Variants in LTBP1 observed in about 807,000 individuals in gnomAD.
The protein encoded by LTBP1 is latent transforming growth factor beta binding protein 1.
LTBP1 carries 129 observed loss-of-function variants against 207.6 expected under a neutral mutation model. That is an observed-to-expected ratio of 0.62 (90% CI 0.54 to 0.72). The LOEUF is 0.72. Among genes scored for constraint, LTBP1 ranks in the 30% least tolerant of loss-of-function variants. The pLI, the probability that LTBP1 is intolerant of heterozygous loss-of-function variation, is 0.00. For synonymous variants in LTBP1, 963 were observed against 833.7 expected (o/e 1.16, Z -2.67); for missense variants, 2,281 against 2,217.2 (o/e 1.03, Z -0.58).
At position 33,361,534 on chromosome 2, in the gene LTBP1, C is replaced by A; in HGVS notation, c.4270+19C>A. ...TATAAAGGTCAGAATCAAGTGGAAACAAATTTTCAGCACATTGTGTACATG... is the reference window on the plus strand; with the variant it reads ...TATAAAGGTCAGAATCAAGTGGAAAAAAATTTTCAGCACATTGTGTACATG... On this transcript the variant is annotated intron_variant, in intron 28 of 33. Coordinates refer to ENST00000404816, the MANE Select transcript of LTBP1 (RefSeq NM_206943.4). 6.4e-7 allele frequency: 1 copy of A among 1,570,012 alleles called. No individual in the cohort carries two copies.
chr2:33,343,405 T>G (rs1397960797), intron 25 of LTBP1, among the ~76,000 whole-genome samples: 1 of 124,120 alleles, frequency 8.1e-6, no homozygotes, highest in Admixed American at 7.6e-5. Context: ...AGAAAGACCC[T>G]GTCTCAAAAA....
intron 24 of LTBP1, among the ~76,000 whole-genome samples, chr2:33,324,792 C>G (rs1195843808): frequency 6.7e-6 from 1 of 148,730 alleles, no homozygotes; most frequent in Non-Finnish European, 1.5e-5. Context: ...ACCTCCGCTT[C>G]CTGGGTTCAA....
At chr2:33,152,375 C>T (rs901007427) in intron 5 of LTBP1, among the ~76,000 whole-genome samples, 2 of 152,176 alleles carry the variant, frequency 1.3e-5, no homozygotes, top group African/African-American at 2.4e-5. Flanking sequence ...GATACCACCT[C>T]ACGCCTGCAA....
At chr2:33,186,777 T>A (rs1048904163) in intron 5 of LTBP1, 79 bp from the exon 6 acceptor site, 1 of 1,065,814 alleles carries the variant, frequency 9.4e-7, no homozygotes, top group African/African-American at 1.5e-5. Flanking sequence ...GCTGTATGTT[T>A]TGCAGGTTTT....
At chr2:32,996,573 A>G (rs1485365767) in intron 2 of LTBP1, among the ~76,000 whole-genome samples, 1 of 152,182 alleles carries the variant, frequency 6.6e-6, no homozygotes, top group Non-Finnish European at 1.5e-5. Flanking sequence ...GGAGACATCT[A>G]CTATGTACAA....
intron 5 of LTBP1, among the ~76,000 whole-genome samples, chr2:33,173,068 G>C (rs1415876227): frequency 1.3e-5 from 2 of 152,106 alleles, no homozygotes; most frequent in Non-Finnish European, 2.9e-5. Flanking sequence ...ATCCAAAATT[G>C]ACACCCTAAT....
chr2:33,213,706 A>G (rs1156591222), intron 7 of LTBP1, among the ~76,000 whole-genome samples: 2 of 152,214 alleles, frequency 1.3e-5, no homozygotes, highest in Non-Finnish European at 2.9e-5. Context: ...AAGCCTCTTC[A>G]TAGTTAAATA....
chr2:33,287,461 G>A (rs1230813145), intron 19 of LTBP1, among the ~76,000 whole-genome samples: 2 of 152,188 alleles, frequency 1.3e-5, no homozygotes, highest in Non-Finnish European at 2.9e-5. Context: ...AAAGAGCATA[G>A]AAAGGAGAAA....
At chr2:33,041,782 CCTCT>C (rs1415844047) in intron 3 of LTBP1, among the ~76,000 whole-genome samples, 1 of 152,062 alleles carries the variant, frequency 6.6e-6, no homozygotes, top group Non-Finnish European at 1.5e-5. Flanking sequence ...TCAGTCTCTC[CCTCT>C]GTCTCTCTCT....
intron 26 of LTBP1, among the ~76,000 whole-genome samples, chr2:33,354,685 CA>C: frequency 1.7e-4 from 1 of 6,008 alleles, no homozygotes; most frequent in Non-Finnish European, 5.7e-4. Context: ...TAAAACTATA[CA>C]CACACACACA....
chr2:33,138,438 T>C (rs2082317700), intron 5 of LTBP1, among the ~76,000 whole-genome samples: 1 of 151,328 alleles, frequency 6.6e-6, no homozygotes, highest in Admixed American at 6.6e-5. Context: ...AGGTTTCTAA[T>C]GATAATGACT....
chr2:32,997,774 A>G (rs1450548377), intron 2 of LTBP1, among the ~76,000 whole-genome samples: 2 of 152,184 alleles, frequency 1.3e-5, no homozygotes, highest in Non-Finnish European at 2.9e-5. Flanking sequence ...TTTTACTTGA[A>G]TGAATTGTGG....
chr2:33,329,362 A>G (rs950316482), intron 24 of LTBP1, among the ~76,000 whole-genome samples: 1 of 152,180 alleles, frequency 6.6e-6, no homozygotes, highest in Non-Finnish European at 1.5e-5. Flanking sequence ...CAAAACAACT[A>G]TTTTAATGGC....
intron 4 of LTBP1, among the ~76,000 whole-genome samples, chr2:33,123,895 T>G (rs1170531781): frequency 6.6e-6 from 1 of 152,176 alleles, no homozygotes; most frequent in Non-Finnish European, 1.5e-5. Context: ...AACCAAAAAT[T>G]GAATTTAAAA....
intron 5 of LTBP1, among the ~76,000 whole-genome samples, chr2:33,167,994 C>A (rs2085075973): frequency 6.6e-6 from 1 of 152,132 alleles, no homozygotes; most frequent in Admixed American, 6.6e-5. Flanking sequence ...ATTTGAGGAC[C>A]TTTTTGCTAC....
chr2:33,013,084 GACAC>G (rs1687895396), intron 2 of LTBP1, among the ~76,000 whole-genome samples: 1 of 152,064 alleles, frequency 6.6e-6, no homozygotes, highest in East Asian at 1.9e-4. Context: ...CGCTGCTGTG[GACAC>G]CTACATATAT....
intron 3 of LTBP1, among the ~76,000 whole-genome samples, chr2:33,082,402 C>T (rs1340165007): frequency 7.0e-6 from 1 of 143,080 alleles, no homozygotes; most frequent in African/African-American, 2.7e-5. Flanking sequence ...TTTCAGTCCA[C>T]AAAGTTAACC....
At chr2:32,974,452 G>C (rs1681401621) in intron 2 of LTBP1, among the ~76,000 whole-genome samples, 3 of 152,130 alleles carry the variant, frequency 2.0e-5, no homozygotes, top group Admixed American at 2.0e-4. Context: ...TTTCTATAGA[G>C]TTGTTTGAGC....
chr2:32,948,702 G>C (rs569314743), intron 1 of LTBP1, among the ~76,000 whole-genome samples, 173 bp from the exon 2 acceptor site: 2 of 152,254 alleles, frequency 1.3e-5, no homozygotes, highest in African/African-American at 4.8e-5. Context: ...TATGGGCCTT[G>C]CCCCTCTGCT....
Sources: allele counts gnomAD v4.1 joint callset (sites outside exome capture counted in the v4.1 genomes callset), GRCh38; gene constraint gnomAD v4.1.1; transcripts MANE v1.5; gene names NCBI Gene and HGNC (gene_info 2026-07-23, HGNC 2026-07-21).